The following RCOR1 variants were observed in gnomAD, a reference collection of about 807,000 sequenced individuals.
RCOR1 encodes the protein REST corepressor 1, also known as REST corepressor.
In RCOR1, 12 loss-of-function variants were observed where a neutral mutation model predicts 64.0. That is an observed-to-expected ratio of 0.19 (90% CI 0.12 to 0.30). The LOEUF (loss-of-function observed/expected upper bound fraction) is 0.30, where lower values mean the gene tolerates loss of function less well. Ranked by LOEUF, RCOR1 falls within the 10% of genes least tolerant of loss-of-function variation. RCOR1 has a pLI of 1.00. For synonymous variants in RCOR1, 279 were observed against 227.2 expected, an observed-to-expected ratio of 1.23 and a Z score of -2.05; for missense variants, 502 against 621.2, an observed-to-expected ratio of 0.81 and a Z score of 2.04.
intron 2 of RCOR1, among the ~76,000 whole-genome samples, chr14:102,638,766 C>T (rs1218661312): frequency 6.6e-6 from 1 of 152,092 alleles, no homozygotes; most frequent in Admixed American, 6.6e-5. Flanking sequence ...CTCCCTGGTT[C>T]AAGCAATTCT....
At chr14:102,603,288 C>T (rs895978144) in intron 2 of RCOR1, among the ~76,000 whole-genome samples, 16 of 151,734 alleles carry the variant, frequency 1.1e-4, no homozygotes, top group African/African-American at 3.9e-4. Flanking sequence ...AGCTAAGTAT[C>T]GATAAGAAAA....
intron 8 of RCOR1, among the ~76,000 whole-genome samples, chr14:102,719,419 C>T (rs146892162): frequency 1.3e-5 from 2 of 152,250 alleles, no homozygotes; most frequent in East Asian, 3.9e-4. Flanking sequence ...CCACGACAGG[C>T]CCCGGTGTGT....
intron 2 of RCOR1, among the ~76,000 whole-genome samples, chr14:102,609,659 T>C (rs1271331999): frequency 6.6e-6 from 1 of 150,896 alleles, no homozygotes; most frequent in Non-Finnish European, 1.5e-5. Flanking sequence ...TTGGCCAGGC[T>C]GATCAGGCTG....
chr14:102,667,743 G>T (rs951968896), intron 2 of RCOR1, among the ~76,000 whole-genome samples: 3 of 152,124 alleles, frequency 2.0e-5, no homozygotes, highest in African/African-American at 7.2e-5. Flanking sequence ...TGCAGAGTGT[G>T]TGTGCTCGAG....
intron 2 of RCOR1, among the ~76,000 whole-genome samples, chr14:102,616,240 G>GTGTGTA (rs199799265): frequency 0.049 from 5,098 of 103,044 alleles, 134 homozygotes; most frequent in South Asian, 0.1. Context: ...GTGTGTGTGT[G>GTGTGTA]TGTGTGTGTA....
chr14:102,681,611 C>T (rs1022524400), intron 2 of RCOR1, among the ~76,000 whole-genome samples: 1 of 152,196 alleles, frequency 6.6e-6, no homozygotes, highest in Admixed American at 6.5e-5. Flanking sequence ...TTTAAAAGAA[C>T]CTTTGAGCAC....
At chr14:102,691,349 C>G (rs571886948) in intron 3 of RCOR1, among the ~76,000 whole-genome samples, 1 of 152,106 alleles carries the variant, frequency 6.6e-6, no homozygotes, top group African/African-American at 2.4e-5. Flanking sequence ...TTAAAAAGAA[C>G]CTGTGCTGAG....
intron 2 of RCOR1, among the ~76,000 whole-genome samples, chr14:102,666,037 G>C (rs1894911365): frequency 6.6e-6 from 1 of 152,180 alleles, no homozygotes; most frequent in African/African-American, 2.4e-5. Context: ...TATTGAAGAG[G>C]AATGGACTGC....
intron 2 of RCOR1, among the ~76,000 whole-genome samples, chr14:102,630,853 G>C (rs938653355): frequency 2.0e-5 from 3 of 152,150 alleles, no homozygotes; most frequent in African/African-American, 7.2e-5. Flanking sequence ...GATTTGTTCA[G>C]GTGGGCAGTT....
intron 2 of RCOR1, among the ~76,000 whole-genome samples, chr14:102,651,765 G>A (rs1894596031): frequency 6.6e-6 from 1 of 152,044 alleles, no homozygotes; most frequent in Non-Finnish European, 1.5e-5. Flanking sequence ...GAGTACAGTG[G>A]CACCATCATA....
chr14:102,718,704 C>G (rs1479343442), intron 8 of RCOR1, among the ~76,000 whole-genome samples: 5 of 152,078 alleles, frequency 3.3e-5, no homozygotes, highest in Non-Finnish European at 7.4e-5. Flanking sequence ...TTCATTGCCA[C>G]TCACTTTCCA....
At chr14:102,677,467 T>G (rs1595225773) in intron 2 of RCOR1, among the ~76,000 whole-genome samples, 3 of 112,986 alleles carry the variant, frequency 2.7e-5, no homozygotes, top group East Asian at 2.8e-4. Flanking sequence ...AGGCAGAGGG[T>G]TTCCTCACTT....
intron 2 of RCOR1, among the ~76,000 whole-genome samples, chr14:102,677,069 C>T (rs1320587356): frequency 3.2e-5 from 4 of 126,450 alleles, no homozygotes; most frequent in Non-Finnish European, 6.7e-5. Context: ...GGCGGCTGGC[C>T]GGGCAGAGGG....
At chr14:102,678,025 C>G (rs2139957370) in intron 2 of RCOR1, among the ~76,000 whole-genome samples, 1 of 148,758 alleles carries the variant, frequency 6.7e-6, no homozygotes, top group East Asian at 2.1e-4. Flanking sequence ...ACAGCAAAAC[C>G]CCGTCTCCAC....
At chr14:102,670,300 A>G (rs1895006226) in intron 2 of RCOR1, among the ~76,000 whole-genome samples, 1 of 152,080 alleles carries the variant, frequency 6.6e-6, no homozygotes, top group Non-Finnish European at 1.5e-5. Flanking sequence ...TTTGAGTCCT[A>G]CTGATGAGTA....
chr14:102,593,077 C>A lies in RCOR1; in HGVS notation c.191C>A (p.Ala64Asp), dbSNP rs1042633634. ...GCCGCCGCCGCCTCAGCCGCCGCCG[C>A]CCCCAATAATGGCCAGAATAAAAGT... ...ASAAAASAAA[A>D]PNNGQNKSLA... Residue 64 changes from alanine to aspartate, a missense_variant, in exon 1 of 12, where the codon GCC becomes GAC. By Grantham distance (126) the Ala-to-Asp change is moderately radical. Coordinates refer to ENST00000262241, the MANE Select transcript of RCOR1 (RefSeq NM_015156.4). The A allele has an allele frequency of 2.0e-5, 29 of 1,435,650 alleles. No homozygotes were observed. The highest frequency in any genetic ancestry group is 1.8e-5 in the Non-Finnish European group (20 of 1,090,186). The allele number at this position is 1,435,650 out of a possible 1,614,324, so 88.9% of individuals were successfully genotyped here.
chr14:102,630,887 G>A (rs566592819), intron 2 of RCOR1, among the ~76,000 whole-genome samples: 4 of 152,044 alleles, frequency 2.6e-5, no homozygotes, highest in African/African-American at 4.8e-5. Context: ...AATGGGGGCC[G>A]GTGTCATCTG....
At chr14:102,692,708 C>CTG (rs1266456293) in intron 3 of RCOR1, among the ~76,000 whole-genome samples, 1 of 139,786 alleles carries the variant, frequency 7.2e-6, no homozygotes, top group Non-Finnish European at 1.5e-5. Flanking sequence ...TCAACTACAT[C>CTG]TCTCCTTCCT....
intron 2 of RCOR1, chr14:102,655,979 A>G (rs887681228): frequency 1.4e-5 from 14 of 984,048 alleles, no homozygotes; most frequent in Middle Eastern, 5.2e-4. Context: ...ACACACACAC[A>G]CACACACACG....
Sources: allele counts gnomAD v4.1 joint callset (sites outside exome capture counted in the v4.1 genomes callset), GRCh38; gene constraint gnomAD v4.1.1; transcripts MANE v1.5; gene names NCBI Gene and HGNC (gene_info 2026-07-23, HGNC 2026-07-21).